The following BMP2K variants were observed in gnomAD, a reference collection of about 807,000 sequenced individuals.
The protein encoded by BMP2K is BMP-2-inducible protein kinase.
BMP2K carries 74 observed loss-of-function variants against 116.0 expected under a neutral mutation model. The observed-to-expected ratio is 0.64, with a 90% CI of 0.53 to 0.77. BMP2K has a LOEUF of 0.77. Ranked by LOEUF, BMP2K falls within the 30% of genes least tolerant of loss-of-function variation. The probability of loss-of-function intolerance (pLI) is 0.00; values close to 1 mark genes in which losing one functional copy is unlikely to be tolerated. For missense variants in BMP2K, 1,365 were observed against 1,403.6 expected, an observed-to-expected ratio of 0.97 and a Z score of 0.44; for synonymous variants, 486 against 502.5, an observed-to-expected ratio of 0.97 and a Z score of 0.44.
intron 1 of BMP2K, among the ~76,000 whole-genome samples, chr4:78,806,743 A>G (rs565018520): frequency 4.3e-4 from 65 of 151,458 alleles, no homozygotes; most frequent in Non-Finnish European, 6.8e-4. Flanking sequence ...TAGCTGTGGG[A>G]TTTTTGTAGA....
intron 1 of BMP2K, among the ~76,000 whole-genome samples, chr4:78,813,549 G>T (rs1347014719): frequency 6.6e-6 from 1 of 152,090 alleles, no homozygotes; most frequent in Non-Finnish European, 1.5e-5. Flanking sequence ...TTCTGCTCTA[G>T]GCTTTCTGAT....
chr4:78,829,777 TTTCTTTTCTTTTCTCTTCTC>T (rs1479436703), intron 2 of BMP2K, among the ~76,000 whole-genome samples: 3,311 of 95,232 alleles, frequency 0.035, 48 homozygotes, highest in East Asian at 0.067. Context: ...TTTCTTTTCT[TTTCTTTTCTTTTCTCTTCTC>T]TTCTCTTCTC....
intron 14 of BMP2K, among the ~76,000 whole-genome samples, chr4:78,882,105 G>A (rs994551209): frequency 2.6e-5 from 4 of 151,876 alleles, no homozygotes; most frequent in Non-Finnish European, 4.4e-5. Flanking sequence ...ATGATTCATG[G>A]TTATTTTTTT....
At chr4:78,886,081 C>T (rs143959767) in intron 14 of BMP2K, among the ~76,000 whole-genome samples, 2 of 152,288 alleles carry the variant, frequency 1.3e-5, no homozygotes, top group East Asian at 3.9e-4. Context: ...CACTGTGTTG[C>T]TCAGGCTGGT....
At chr4:78,877,595 C>T (rs1402414851) in intron 13 of BMP2K, among the ~76,000 whole-genome samples, 1 of 152,136 alleles carries the variant, frequency 6.6e-6, no homozygotes, top group African/African-American at 2.4e-5. Flanking sequence ...CCTGGAATAC[C>T]TCCTAAAGGA....
Position 78,840,439 on chromosome 4 carries a change from G to T in BMP2K, c.404-1946G>T, listed in dbSNP as rs1042346415. ...TGTCCCTCCCTCTGTGCTCTCAGGC[G>T]ATAGATGATTGGCTGTTTCTTTACC... On this transcript the variant is annotated intron_variant, in intron 3 of 15. Coordinates refer to ENST00000502613, the MANE Select transcript of BMP2K (RefSeq NM_198892.2). Among the ~76,000 whole-genome samples the T allele has an allele frequency of 3.9e-5, 6 of 152,216 alleles. No individual in the cohort carries two copies. The South Asian group carries it at 1.2e-3, about 32-fold the overall frequency.
intron 15 of BMP2K, among the ~76,000 whole-genome samples, chr4:78,910,377 C>G (rs540347064): frequency 4.6e-5 from 7 of 152,276 alleles, no homozygotes; most frequent in African/African-American, 1.7e-4. Flanking sequence ...TACGATGAGG[C>G]AGGGTGTAGG....
intron 1 of BMP2K, among the ~76,000 whole-genome samples, chr4:78,799,647 T>A (rs1209902191): frequency 6.6e-6 from 1 of 152,222 alleles, no homozygotes; most frequent in Admixed American, 6.5e-5. Flanking sequence ...CAAAAGTACG[T>A]AAGATGTTTG....
At chr4:78,813,313 A>C (rs1271954195) in intron 1 of BMP2K, among the ~76,000 whole-genome samples, 1 of 152,192 alleles carries the variant, frequency 6.6e-6, no homozygotes, top group African/African-American at 2.4e-5. Flanking sequence ...CAGCAGATTT[A>C]CTGATTTCCC....
chr4:78,830,723 A>G (rs905781430), intron 2 of BMP2K, among the ~76,000 whole-genome samples: 5 of 152,122 alleles, frequency 3.3e-5, no homozygotes, highest in Non-Finnish European at 7.3e-5. Flanking sequence ...TCATGAACCA[A>G]CCTCTGCTAG....
intron 10 of BMP2K, among the ~76,000 whole-genome samples, chr4:78,866,681 A>T (rs912436389): frequency 6.6e-6 from 1 of 151,888 alleles, no homozygotes; most frequent in Non-Finnish European, 1.5e-5. Context: ...ATGAAGTCTC[A>T]CTCTTGTCCC....
intron 1 of BMP2K, among the ~76,000 whole-genome samples, chr4:78,783,832 A>G (rs927456026): frequency 9.9e-5 from 15 of 152,042 alleles, no homozygotes; most frequent in Admixed American, 9.8e-4. Flanking sequence ...TAAATAAATA[A>G]TAAATAAAAA....
At chr4:78,849,759 A>AT (rs1165680511) in intron 6 of BMP2K, among the ~76,000 whole-genome samples, 2 of 151,600 alleles carry the variant, frequency 1.3e-5, no homozygotes, top group Non-Finnish European at 3.0e-5. Flanking sequence ...TAACCCAGTA[A>AT]TTTTTTTGAA....
At chr4:78,850,255 A>G (rs557430792) in intron 6 of BMP2K, among the ~76,000 whole-genome samples, 1 of 151,930 alleles carries the variant, frequency 6.6e-6, no homozygotes, top group South Asian at 2.1e-4. Flanking sequence ...TTTTGCCCTC[A>G]TTGTCAGCAA....
At chr4:78,798,317 G>A (rs933409428) in intron 1 of BMP2K, among the ~76,000 whole-genome samples, 1 of 152,158 alleles carries the variant, frequency 6.6e-6, no homozygotes, top group African/African-American at 2.4e-5. Flanking sequence ...TGAAAGAAGC[G>A]AGAAATGGAG....
intron 1 of BMP2K, among the ~76,000 whole-genome samples, chr4:78,809,484 C>T (rs1375123440): frequency 6.6e-6 from 1 of 151,926 alleles, no homozygotes; most frequent in African/African-American, 2.4e-5. Flanking sequence ...CTTAAGCAGT[C>T]CTCCCATCTC....
intron 3 of BMP2K, among the ~76,000 whole-genome samples, chr4:78,838,330 A>G (rs890083834): frequency 6.6e-6 from 1 of 152,182 alleles, no homozygotes; most frequent in Middle Eastern, 3.2e-3. Context: ...ACACGGACAA[A>G]CCATGCTTTC....
intron 2 of BMP2K, among the ~76,000 whole-genome samples, chr4:78,826,611 T>C (rs1264672183): frequency 6.6e-6 from 1 of 152,148 alleles, no homozygotes; most frequent in South Asian, 2.1e-4. Flanking sequence ...AGTATAGTTG[T>C]CCCTTAGTCT....
intron 6 of BMP2K, among the ~76,000 whole-genome samples, chr4:78,847,635 A>C (rs1343043744): frequency 2.0e-5 from 3 of 151,536 alleles, no homozygotes; most frequent in Non-Finnish European, 4.4e-5. Flanking sequence ...AATTTTCTGG[A>C]GTATTTTAGG....
Sources: allele counts gnomAD v4.1 joint callset (sites outside exome capture counted in the v4.1 genomes callset), GRCh38; gene constraint gnomAD v4.1.1; transcripts MANE v1.5; gene names NCBI Gene and HGNC (gene_info 2026-07-23, HGNC 2026-07-21).